The following ZPR1 variants were observed in gnomAD, a reference collection of about 807,000 sequenced individuals.
ZPR1 encodes ZPR1 zinc finger.
ZPR1 carries 37 observed loss-of-function variants against 59.6 expected under a neutral mutation model. The ratio of observed to expected loss-of-function variants is 0.62; its 90% CI spans 0.48 to 0.82. The LOEUF (loss-of-function observed/expected upper bound fraction) is 0.82, where lower values mean the gene tolerates loss of function less well. ZPR1 is among the 40% of genes least tolerant of loss of function. The pLI, the probability that ZPR1 is intolerant of heterozygous loss-of-function variation, is 0.00. For synonymous variants in ZPR1, 191 were observed against 215.2 expected (o/e 0.89, Z 0.99); for missense variants, 527 against 579.9 (o/e 0.91, Z 0.94).
At position 116,776,394 on chromosome 11, in the gene ZPR1, G is replaced by A. The variant is rs1480080683; in HGVS notation, c.*2531C>T. ...ATGTTATCCCTAGTGTCCTAATAGGGTTTAATCTATGATGGAGGATTTTAA... is the reference window on the plus strand; with the variant it reads ...ATGTTATCCCTAGTGTCCTAATAGGATTTAATCTATGATGGAGGATTTTAA... On this transcript the variant is annotated 3_prime_UTR_variant, in exon 14 of 14. Coordinates refer to ENST00000227322, the MANE Select transcript of ZPR1 (RefSeq NM_003904.5). 5 of 152,140 alleles carry A rather than the reference G, an allele frequency of 3.3e-5. No homozygotes were observed. The highest frequency in any genetic ancestry group is 1.2e-4 in the African/African-American group (5 of 41,412). 9.4% of individuals were successfully genotyped at this position (152,140 alleles called of 1,614,324 possible). A position where few individuals can be genotyped will look rare whatever the true frequency, so the allele number is the denominator to read the frequency against.
rs956948120 is a variant in ZPR1, at chr11:116,773,956, A to G, written c.*4969T>C. 6.6e-6 allele frequency: 1 copy of G among 152,364 alleles called. No homozygotes were observed. Among genetic ancestry groups the G allele is most frequent in the East Asian group, 1.9e-4 (1 of 5,190 alleles). 9.4% of individuals were successfully genotyped at this position (152,364 alleles called of 1,614,324 possible). ...GATTAAGGAAGTTGCTCAACTTCAC[A>G]TAGTCAGAACATGACTCTAGGGAGT... is the stretch of plus-strand genomic sequence containing the variant. On this transcript the variant is annotated 3_prime_UTR_variant, in exon 14 of 14. Coordinates refer to ENST00000227322, the MANE Select transcript of ZPR1 (RefSeq NM_003904.5).
In ZPR1 at chr11:116,784,839, G is replaced by C. The variant is rs1234749984; in HGVS notation, c.820+16C>G. On this transcript the variant is annotated intron_variant, in intron 8 of 13. Coordinates refer to ENST00000227322, the MANE Select transcript of ZPR1 (RefSeq NM_003904.5). ...GAGTCAGATGAAGAGCAACCCAACT[G>C]CTTGGCAAAAGATACGTACTAGCTT... The C allele has an allele frequency of 6.2e-7, 1 of 1,614,082 alleles. No individual in the cohort carries two copies. The highest frequency in any genetic ancestry group is 8.5e-7 in the Non-Finnish European group (1 of 1,179,948).
chr11:116,777,033 A>G lies in ZPR1; in HGVS notation c.*1892T>C, dbSNP rs1940732758. On this transcript the variant is annotated 3_prime_UTR_variant, in exon 14 of 14. Coordinates refer to ENST00000227322, the MANE Select transcript of ZPR1 (RefSeq NM_003904.5). ...GCCCTCACTTACAGAAATTAGAGAT[A>G]CAGGTATGGAAGTTAGTCCCACATG... 1 of 152,252 alleles carries G rather than the reference A, an allele frequency of 6.6e-6. No individual in the cohort carries two copies. Among genetic ancestry groups the G allele is most frequent in the African/African-American group, 2.4e-5 (1 of 41,468 alleles). The allele number at this position is 152,252 out of a possible 1,614,324, so 9.4% of individuals were successfully genotyped here. A position where few individuals can be genotyped will look rare whatever the true frequency, so the allele number is the denominator to read the frequency against.
intron 13 of ZPR1, among the ~76,000 whole-genome samples, chr11:116,779,278 C>G (rs1940767861): frequency 6.6e-6 from 1 of 152,194 alleles, no homozygotes; most frequent in Admixed American, 6.5e-5. Context: ...AACAATCCAC[C>G]TATTTTGTTA....
intron 12 of ZPR1, among the ~76,000 whole-genome samples, chr11:116,780,693 T>C (rs1317660289): frequency 3.3e-5 from 5 of 152,172 alleles, no homozygotes; most frequent in African/African-American, 4.8e-5. Context: ...AATTCTGGCA[T>C]TGGAGGCCAC....
At chr11:116,779,386 G>A (rs577840771) in intron 13 of ZPR1, among the ~76,000 whole-genome samples, 49 of 152,258 alleles carry the variant, frequency 3.2e-4, no homozygotes, top group Admixed American at 9.1e-4. Flanking sequence ...CCAATAAATG[G>A]TAAAGGTACA....
In ZPR1 at chr11:116,787,893, C is replaced by A; in HGVS notation, c.98G>T (p.Arg33Leu). 2 of 1,543,856 alleles carry A rather than the reference C, an allele frequency of 1.3e-6. No individual in the cohort carries two copies. ...APPPAPDHLF[R>L]PISAEDEEQQ... ...CTCCTCGTCCTCGGCGCTGATGGGCCGGAACAGGTGATCAGGGGCAGGCGG... is the reference window on the plus strand; with the variant it reads ...CTCCTCGTCCTCGGCGCTGATGGGCAGGAACAGGTGATCAGGGGCAGGCGG... The change falls in exon 1 of 14, where the codon CGG (arginine) becomes CTG (leucine). Residue 33 changes from arginine (R) to leucine (L), a missense_variant. Arg to Leu is a moderately radical substitution (Grantham distance 102). Coordinates refer to ENST00000227322, the MANE Select transcript of ZPR1 (RefSeq NM_003904.5).
rs1482875022 is a variant in ZPR1 at position 116,774,246 on chromosome 11, G to C, written c.*4679C>G. 1 of 152,062 alleles carries C rather than the reference G, an allele frequency of 6.6e-6. No homozygotes were observed. The highest frequency in any genetic ancestry group is 2.1e-4 in the South Asian group (1 of 4,820). The allele number at this position is 152,062 out of a possible 1,614,324, so 9.4% of individuals were successfully genotyped here. The stretch of plus-strand genomic sequence containing the variant: ...GGTGGGGGGGCACTTAAGCAAATTT[G>C]TCTTAGCAAACTTCAAGTAAACAAT... On this transcript the variant is annotated 3_prime_UTR_variant, in exon 14 of 14. Coordinates refer to ENST00000227322, the MANE Select transcript of ZPR1 (RefSeq NM_003904.5).
Position 116,775,403 on chromosome 11 carries a change from A to G in ZPR1, c.*3522T>C, listed in dbSNP as rs1940707820. 6.7e-6 allele frequency: 1 copy of G among 149,278 alleles called. No individual in the cohort carries two copies. The highest frequency in any genetic ancestry group is 6.7e-5 in the Admixed American group (1 of 14,816). 9.2% of individuals were successfully genotyped at this position (149,278 alleles called of 1,614,324 possible). A position where few individuals can be genotyped will look rare whatever the true frequency, so the allele number is the denominator to read the frequency against. The stretch of plus-strand genomic sequence containing the variant: ...GAACCCAGGAGGCAAGGCTGCAGTG[A>G]GCCAAGATCGCACCACTGCACTCCA... On this transcript the variant is annotated 3_prime_UTR_variant, in exon 14 of 14. Coordinates refer to ENST00000227322, the MANE Select transcript of ZPR1 (RefSeq NM_003904.5).
chr11:116,786,195 C>G (rs1940884852), intron 4 of ZPR1, among the ~76,000 whole-genome samples: 1 of 152,136 alleles, frequency 6.6e-6, no homozygotes, highest in Admixed American at 6.5e-5. Context: ...ACTAAAGATG[C>G]AGCTATAATA....
rs368407377 is a variant in ZPR1, at chr11:116,784,375, C to T, written c.891+3G>A. ...TTCTTCCCAAATAATGGCGCCCACC[C>T]ACCTCATTGGTCCGATGCCCACAGT... On this transcript the variant is annotated splice_donor_region_variant and intron_variant, in intron 9 of 13. Transcript: ENST00000227322. 3.5e-5 allele frequency: 56 copies of T among 1,613,868 alleles called. No individual in the cohort carries two copies. The African/African-American group carries it at 5.7e-4, about 17-fold the overall frequency.
rs1195026460 is a variant in ZPR1, at chr11:116,774,868, G to A, written c.*4057C>T. On this transcript the variant is annotated 3_prime_UTR_variant, in exon 14 of 14. Transcript: ENST00000227322. ...CTTCTGCTCCAGTGAACACTGCCAGGATAGCCCTCTGAACTTCCACCCACC... is the reference window on the plus strand; with the variant it reads ...CTTCTGCTCCAGTGAACACTGCCAGAATAGCCCTCTGAACTTCCACCCACC... The A allele has an allele frequency of 6.6e-6, 1 of 152,592 alleles. No individual in the cohort carries two copies. The highest frequency in any genetic ancestry group is 6.5e-5 in the Admixed American group (1 of 15,288). The allele number at this position is 152,592 out of a possible 1,614,324, so 9.5% of individuals were successfully genotyped here.
At chr11:116,784,091 T>C (rs1307333787) in intron 9 of ZPR1, among the ~76,000 whole-genome samples, 1 of 152,188 alleles carries the variant, frequency 6.6e-6, no homozygotes, top group African/African-American at 2.4e-5. Flanking sequence ...GAAGTCAAAG[T>C]CTGCCTCCCT....
intron 6 of ZPR1, 147 bp from the exon 7 acceptor site, chr11:116,785,293 G>T: frequency 9.0e-7 from 1 of 1,112,618 alleles, no homozygotes; most frequent in Non-Finnish European, 1.3e-6. Flanking sequence ...ACAAAGTAAA[G>T]CCCCAACCAA....
In ZPR1 at chr11:116,785,008, C is replaced by G. The variant is rs1940862658; in HGVS notation, c.754-87G>C. ...ACTCAGTTGGTATGCTAGTGGTCAT[C>G]TATGTTGGTGACAAGGAAGACAGAT... On this transcript the variant is annotated intron_variant, in intron 7 of 13. Transcript: ENST00000227322. The G allele has an allele frequency of 3.1e-6, 5 of 1,606,976 alleles. No homozygotes were observed. In the South Asian group the frequency reaches 5.5e-5, roughly 18 times the overall value.
intron 12 of ZPR1, among the ~76,000 whole-genome samples, chr11:116,781,473 T>C (rs1196490711): frequency 6.6e-6 from 1 of 152,246 alleles, no homozygotes; most frequent in Non-Finnish European, 1.5e-5. Flanking sequence ...AAGACTATAG[T>C]ACAATGTCTT....
intron 12 of ZPR1, 59 bp from the exon 13 acceptor site, chr11:116,779,896 T>C: frequency 3.0e-6 from 1 of 328,312 alleles, no homozygotes; most frequent in Non-Finnish European, 5.8e-6. Context: ...AAAAAGAGGC[T>C]ATGTCGGGGG....
chr11:116,782,982 T>C lies in ZPR1; in HGVS notation c.1029A>G (p.Gly343=). ...VEIPELEFEL[G]MAVLGGKFTT... is the part of the protein sequence containing the mutation. ...TGAACTTGCCCCCGAGGACTGCCAT[T>C]CCCAGTTCAAATTCTAGCTCTGGGA... is the stretch of plus-strand genomic sequence containing the variant. Residue 343 remains glycine, a synonymous_variant, in exon 11 of 14, where the codon GGA becomes GGG. Coordinates refer to ENST00000227322, the MANE Select transcript of ZPR1 (RefSeq NM_003904.5). The C allele has an allele frequency of 6.2e-7, 1 of 1,614,188 alleles. No individual in the cohort carries two copies. The highest frequency in any genetic ancestry group is 8.5e-7 in the Non-Finnish European group (1 of 1,180,034).
intron 6 of ZPR1, among the ~76,000 whole-genome samples, 173 bp from the exon 7 acceptor site, chr11:116,785,319 T>TA (rs1940867264): frequency 6.6e-6 from 1 of 152,142 alleles, no homozygotes; most frequent in South Asian, 2.1e-4. Context: ...GAACAGGACT[T>TA]AAGATAGGAT....
Sources: gnomAD v4.1 joint callset for allele counts (sites outside exome capture counted in the v4.1 genomes callset) on GRCh38, gnomAD v4.1.1 for gene constraint, MANE v1.5 for transcripts, NCBI Gene and HGNC (gene_info 2026-07-23, HGNC 2026-07-21) for gene names.